QTMAN: variants seen among roughly 807,000 people sequenced by gnomAD.
QTMAN encodes tRNA-queuosine alpha-mannosyltransferase.
the QTMAN span, among the ~76,000 whole-genome samples, chr2:144,069,297 C>CAAA: frequency 4.3e-3 from 371 of 85,504 alleles, 1 homozygote; most frequent in African/African-American, 0.013. Context: ...GAATCTTTTA[C>CAAA]AAAAAAAAAA....
the QTMAN span, among the ~76,000 whole-genome samples, chr2:144,071,199 T>G: frequency 6.6e-6 from 1 of 152,038 alleles, no homozygotes; most frequent in Admixed American, 6.6e-5. Context: ...CCACTGTTTT[T>G]TTTTTTTTTC....
At chr2:144,091,630 T>TA in the QTMAN span, among the ~76,000 whole-genome samples, 3 of 152,114 alleles carry the variant, frequency 2.0e-5, no homozygotes, top group East Asian at 1.9e-4. Context: ...GTGATTTATT[T>TA]AAAAAATAAA....
chr2:144,153,557 G>C, the QTMAN span, among the ~76,000 whole-genome samples: 1 of 152,132 alleles, frequency 6.6e-6, no homozygotes, highest in Admixed American at 6.5e-5. Flanking sequence ...CAGGCATGGT[G>C]GCAGGTGCCT....
chr2:144,180,681 G>A, the QTMAN span, among the ~76,000 whole-genome samples: 2 of 152,136 alleles, frequency 1.3e-5, no homozygotes, highest in African/African-American at 4.8e-5. Context: ...TAAGGGCCAG[G>A]TGGCTGCTGC....
chr2:144,177,386 A>C, the QTMAN span: 2 of 570,080 alleles, frequency 3.5e-6, no homozygotes, highest in Non-Finnish European at 6.2e-6. Flanking sequence ...GGAGATGAAG[A>C]CCAACCCTAC....
the QTMAN span, among the ~76,000 whole-genome samples, chr2:144,331,440 A>G: frequency 6.6e-6 from 1 of 151,662 alleles, no homozygotes; most frequent in Non-Finnish European, 1.5e-5. Flanking sequence ...GAGCCACGGC[A>G]GCCGGGGCTG....
At chr2:143,985,310 A>G in the QTMAN span, among the ~76,000 whole-genome samples, 1 of 152,252 alleles carries the variant, frequency 6.6e-6, no homozygotes, top group Admixed American at 6.5e-5. Context: ...GTCCCACAAA[A>G]GGGTCAAGGG....
the QTMAN span, among the ~76,000 whole-genome samples, chr2:144,026,672 C>T: frequency 2.0e-5 from 3 of 152,206 alleles, no homozygotes; most frequent in South Asian, 4.2e-4. Flanking sequence ...CACTTAACAT[C>T]TCTGGGCTTC....
the QTMAN span, among the ~76,000 whole-genome samples, chr2:144,181,598 G>A: frequency 6.6e-6 from 1 of 152,106 alleles, no homozygotes; most frequent in South Asian, 2.1e-4. Context: ...GAATCACTTT[G>A]AGCCCAGGAG....
the QTMAN span, among the ~76,000 whole-genome samples, chr2:144,328,297 G>T: frequency 6.6e-6 from 1 of 152,108 alleles, no homozygotes; most frequent in African/African-American, 2.4e-5. Context: ...CTGTTTAAAT[G>T]ACTTGTGTGA....
the QTMAN span, among the ~76,000 whole-genome samples, chr2:144,148,684 C>T: frequency 2.0e-5 from 3 of 151,790 alleles, no homozygotes; most frequent in African/African-American, 7.2e-5. Flanking sequence ...TGTCCCCCTA[C>T]CCACCAGCTT....
the QTMAN span, among the ~76,000 whole-genome samples, chr2:144,064,443 G>T: frequency 6.6e-6 from 1 of 152,094 alleles, no homozygotes; most frequent in African/African-American, 2.4e-5. Flanking sequence ...TGACATTTGA[G>T]TATTATAAGA....
the QTMAN span, among the ~76,000 whole-genome samples, chr2:144,100,657 A>G: frequency 1.3e-5 from 2 of 152,126 alleles, no homozygotes; most frequent in Admixed American, 6.6e-5. Flanking sequence ...TTATACTTGG[A>G]GACATCCAGT....
At chr2:143,990,208 G>GT in the QTMAN span, among the ~76,000 whole-genome samples, 1 of 152,032 alleles carries the variant, frequency 6.6e-6, no homozygotes, top group African/African-American at 2.4e-5. Flanking sequence ...TGTTCAGGAT[G>GT]TTTTTTAAAA....
chr2:144,119,791 CTCT>C, the QTMAN span, among the ~76,000 whole-genome samples: 4 of 151,968 alleles, frequency 2.6e-5, no homozygotes, highest in Admixed American at 6.5e-5. Flanking sequence ...TCATACTCTT[CTCT>C]TCTTTTTTCT....
the QTMAN span, among the ~76,000 whole-genome samples, chr2:144,169,492 G>A: frequency 6.6e-6 from 1 of 152,022 alleles, no homozygotes; most frequent in African/African-American, 2.4e-5. Context: ...CAGTACTTCA[G>A]TATCTAAATA....
the QTMAN span, chr2:143,947,241 A>G: frequency 2.6e-6 from 2 of 776,200 alleles, no homozygotes; most frequent in African/African-American, 1.7e-5. Context: ...CACTTACGTC[A>G]ATTACATTTC....
the QTMAN span, among the ~76,000 whole-genome samples, chr2:144,271,742 G>C: frequency 4.5e-4 from 68 of 152,154 alleles, no homozygotes; most frequent in Non-Finnish European, 8.4e-4. Flanking sequence ...ATCTCTACCA[G>C]TTTACCCTCC....
chr2:144,233,689 T>C, the QTMAN span, among the ~76,000 whole-genome samples: 805 of 152,284 alleles, frequency 5.3e-3, 8 homozygotes, highest in African/African-American at 0.018. Flanking sequence ...AAGAATGATA[T>C]AGTTTGGGGG....
Sources: allele counts gnomAD v4.1 joint callset (sites outside exome capture counted in the v4.1 genomes callset), GRCh38; gene constraint gnomAD v4.1.1; transcripts MANE v1.5; gene names NCBI Gene and HGNC (gene_info 2026-07-23, HGNC 2026-07-21).